The following ZNF521 variants were observed in gnomAD, a reference collection of about 807,000 sequenced individuals.
ZNF521 encodes the protein LYST-interacting protein 3.
A neutral mutation model predicts 105.5 loss-of-function variants in ZNF521; 14 were observed. The observed-to-expected ratio is 0.13, with a 90% CI of 0.09 to 0.21. The LOEUF is 0.21. Ranked by LOEUF, ZNF521 falls within the 10% of genes least tolerant of loss-of-function variation. The pLI is 1.00. For synonymous variants in ZNF521, 635 were observed against 606.0 expected, an observed-to-expected ratio of 1.05 and a Z score of -0.70; for missense variants, 1,233 against 1,629.7, an observed-to-expected ratio of 0.76 and a Z score of 4.19.
chr18:25,070,143 A>C (rs962538283), intron 7 of ZNF521, among the ~76,000 whole-genome samples: 1 of 152,242 alleles, frequency 6.6e-6, no homozygotes, highest in Non-Finnish European at 1.5e-5. Context: ...AAGGACTATT[A>C]GGACATTTGG....
chr18:25,307,997 T>C (rs1046020082), intron 3 of ZNF521, among the ~76,000 whole-genome samples: 1 of 149,752 alleles, frequency 6.7e-6, no homozygotes, highest in Admixed American at 6.6e-5. Flanking sequence ...AGGTCAAGAG[T>C]TCAAGACCAG....
At chr18:25,284,459 G>A (rs531790502) in intron 3 of ZNF521, among the ~76,000 whole-genome samples, 24 of 152,104 alleles carry the variant, frequency 1.6e-4, no homozygotes, top group African/African-American at 5.1e-4. Flanking sequence ...ATAACAATAC[G>A]TCACACAAAA....
intron 7 of ZNF521, among the ~76,000 whole-genome samples, chr18:25,079,601 A>AAGAGAG (rs34772670): frequency 6.8e-6 from 1 of 148,036 alleles, no homozygotes; most frequent in African/African-American, 2.5e-5. Flanking sequence ...AGGAAAAAGT[A>AAGAGAG]AGAGAGAGAG....
In ZNF521 at chr18:25,159,192, G is replaced by A. The variant is rs181871264; in HGVS notation, c.3658+35968C>T. Among the ~76,000 whole-genome samples, 20 of 152,278 alleles carry A rather than the reference G, an allele frequency of 1.3e-4. No individual in the cohort carries two copies. The East Asian group carries it at 3.7e-3, about 28-fold the overall frequency. On this transcript the variant is annotated intron_variant, in intron 5 of 7. Coordinates refer to ENST00000361524, the MANE Select transcript of ZNF521 (RefSeq NM_015461.3). ...TACAAGAAAATGGTTAAAGGTAACC[G>A]AGAAGCTGATCATTATCAATTAAGT...
intron 2 of ZNF521, among the ~76,000 whole-genome samples, chr18:25,335,077 C>T (rs1913794326): frequency 6.6e-6 from 1 of 152,140 alleles, no homozygotes; most frequent in African/African-American, 2.4e-5. Flanking sequence ...CGATTGTGCA[C>T]ACAGGACCAA....
chr18:25,100,403 C>T (rs2033943661), intron 5 of ZNF521, among the ~76,000 whole-genome samples: 1 of 152,086 alleles, frequency 6.6e-6, no homozygotes, highest in Non-Finnish European at 1.5e-5. Context: ...TTACTTATTG[C>T]AAAGATGACA....
At chr18:25,092,622 C>T (rs1333411489) in intron 5 of ZNF521, among the ~76,000 whole-genome samples, 1 of 152,184 alleles carries the variant, frequency 6.6e-6, no homozygotes, top group Non-Finnish European at 1.5e-5. Flanking sequence ...CTCTGCTTCG[C>T]ACCTCCAGTC....
intron 5 of ZNF521, among the ~76,000 whole-genome samples, chr18:25,178,865 T>C (rs2035578286): frequency 6.6e-6 from 1 of 152,142 alleles, no homozygotes; most frequent in African/African-American, 2.4e-5. Flanking sequence ...TGTGAAGAGA[T>C]GAATACTGCA....
rs374743351 is a variant in ZNF521, at chr18:25,127,123, A to G, written c.3659-35042T>C. ...GGGGGATGCAATTGAGGGAGGAAATATGATGTGGAAGCTGTTTGGGGGAAG... is the reference window on the plus strand; with the variant it reads ...GGGGGATGCAATTGAGGGAGGAAATGTGATGTGGAAGCTGTTTGGGGGAAG... On this transcript the variant is annotated intron_variant, in intron 5 of 7. Coordinates refer to ENST00000361524, the MANE Select transcript of ZNF521 (RefSeq NM_015461.3). Among the ~76,000 whole-genome samples the G allele has an allele frequency of 1.5e-4, 23 of 152,178 alleles. No homozygotes were observed. In the East Asian group the frequency reaches 4.2e-3, roughly 28 times the overall value.
chr18:25,310,822 T>C lies in ZNF521; in HGVS notation c.220+11186A>G, dbSNP rs543538362. Reference sequence around the variant, plus strand: ...CCATATAATTAAATTATAATTATATTGAAACGAATGTTTCCTTACCCTTTT... The same window carrying C: ...CCATATAATTAAATTATAATTATATCGAAACGAATGTTTCCTTACCCTTTT... On this transcript the variant is annotated intron_variant, in intron 3 of 7. Transcript: ENST00000361524. 4.3e-4 allele frequency among the ~76,000 whole-genome samples: 65 copies of C among 152,316 alleles called. No homozygotes were observed. In the Middle Eastern group the frequency reaches 0.014, roughly 32 times the overall value.
chr18:25,190,699 CCAAA>C (rs1430694910), intron 5 of ZNF521, among the ~76,000 whole-genome samples: 4 of 152,090 alleles, frequency 2.6e-5, no homozygotes, highest in Non-Finnish European at 5.9e-5. Context: ...ACCTTGGGCA[CCAAA>C]CAAATTGCAG....
intron 3 of ZNF521, among the ~76,000 whole-genome samples, chr18:25,308,219 A>AG (rs1912090080): frequency 7.0e-6 from 1 of 143,816 alleles, no homozygotes; most frequent in Non-Finnish European, 1.5e-5. Context: ...AAAAAAAAAA[A>AG]GCGTGGATAC....
chr18:25,306,026 A>G (rs1600284006), intron 3 of ZNF521, among the ~76,000 whole-genome samples: 1 of 152,350 alleles, frequency 6.6e-6, no homozygotes, highest in South Asian at 2.1e-4. Flanking sequence ...AGGACATACA[A>G]CCAGCTTTGG....
At chr18:25,178,679 ATAATGGAAAGATATAATGGAAAAATCTTT>A (rs1432366501) in intron 5 of ZNF521, among the ~76,000 whole-genome samples, 1 of 152,240 alleles carries the variant, frequency 6.6e-6, no homozygotes, top group African/African-American at 2.4e-5. Flanking sequence ...GTCTTTACTT[ATAATGGAAAGATATAATGGAAAAATCTTT>A]TAATGGAAAG....
In ZNF521 at chr18:25,227,274, C is replaced by A. The variant is rs773188181; in HGVS notation, c.644G>T (p.Ser215Ile). 6.2e-7 allele frequency: 1 copy of A among 1,614,170 alleles called. No homozygotes were observed. The highest frequency in any genetic ancestry group is 1.1e-5 in the South Asian group (1 of 91,080). The change falls in exon 4 of 8, where the codon AGT (serine) becomes ATT (isoleucine). Residue 215 changes from serine to isoleucine, a missense_variant. Around this residue, in one of 6 missense-constraint regions of ZNF521, gnomAD observed 380 missense variants for 478.0 expected, o/e 0.80. Coordinates refer to ENST00000361524, the MANE Select transcript of ZNF521 (RefSeq NM_015461.3). The surrounding 1 kb of genome is among the most constrained non-coding windows in gnomAD (Gnocchi z 5.7). ...AICRRGFLSS[S>I]SLHGHMQVHE... Reference sequence around the variant, plus strand: ...AACCTGCATGTGTCCGTGTAAGGAACTAGAGGACAGAAACCCACGGCGACA... The same window carrying A: ...AACCTGCATGTGTCCGTGTAAGGAAATAGAGGACAGAAACCCACGGCGACA...
At chr18:25,175,698 T>G (rs559747077) in intron 5 of ZNF521, among the ~76,000 whole-genome samples, 179 of 152,296 alleles carry the variant, frequency 1.2e-3, no homozygotes, top group Non-Finnish European at 2.1e-3. Flanking sequence ...TTGATTTAAG[T>G]GGTGAAATGA....
chr18:25,135,922 A>G (rs1392531018), intron 5 of ZNF521, among the ~76,000 whole-genome samples: 1 of 152,192 alleles, frequency 6.6e-6, no homozygotes, highest in African/African-American at 2.4e-5. Flanking sequence ...TCAGTATAAC[A>G]TATAAACAGC....
intron 3 of ZNF521, among the ~76,000 whole-genome samples, chr18:25,283,950 A>C (rs1222584877): frequency 7.3e-6 from 1 of 137,756 alleles, no homozygotes; most frequent in Admixed American, 7.4e-5. Flanking sequence ...ATTCATGAGC[A>C]GCAACAGCTG....
In ZNF521 at chr18:25,348,802, T is replaced by G. The variant is rs550501525; in HGVS notation, c.40+2105A>C. Reference sequence around the variant, plus strand: ...TCTTCACTTGCCATTTTTTGCTTATTAACCTAAGAACTGCACAGGTATTTT... The same window carrying G: ...TCTTCACTTGCCATTTTTTGCTTATGAACCTAAGAACTGCACAGGTATTTT... On this transcript the variant is annotated intron_variant, in intron 2 of 7. Transcript: ENST00000361524. Among the ~76,000 whole-genome samples, 16 of 152,332 alleles carry G rather than the reference T, an allele frequency of 1.1e-4. 1 individual carries two copies. In the South Asian group the frequency reaches 3.3e-3, roughly 32 times the overall value.
Sources: allele counts gnomAD v4.1 joint callset (sites outside exome capture counted in the v4.1 genomes callset), GRCh38; gene constraint gnomAD v4.1.1; regional missense constraint gnomAD v4.1.1; non-coding constraint Gnocchi (gnomAD v3.1); transcripts MANE v1.5; gene names NCBI Gene and HGNC (gene_info 2026-07-23, HGNC 2026-07-21).